The following CYP24A1 variants were observed in gnomAD, a reference collection of about 807,000 sequenced individuals.
CYP24A1 encodes the protein 1,25-dihydroxyvitamin D(3) 24-hydroxylase, mitochondrial.
CYP24A1 carries 68 observed loss-of-function variants against 62.4 expected under a neutral mutation model. The ratio of observed to expected loss-of-function variants is 1.09; its 90% CI spans 0.90 to 1.33. The LOEUF (loss-of-function observed/expected upper bound fraction) is 1.33, where lower values mean the gene tolerates loss of function less well. Ranked by LOEUF, CYP24A1 falls within the 40% of genes most tolerant of loss-of-function variation. The probability of loss-of-function intolerance (pLI) is 0.00; values close to 1 mark genes in which losing one functional copy is unlikely to be tolerated. For synonymous variants in CYP24A1, 267 were observed against 253.0 expected, an observed-to-expected ratio of 1.06 and a Z score of -0.52; for missense variants, 787 against 653.0, an observed-to-expected ratio of 1.21 and a Z score of -2.24.
rs2092702170 is a variant in CYP24A1, at chr20:54,173,445, C to T, written c.135G>A (p.Pro45=). ...SPQPREVPVC[P]LTAGGETQNA... is the part of the protein sequence containing the mutation. ...TCTGAGTCTCGCCACCAGCTGTCAG[C>T]GGGCAGACTGGCACCTCTCGCGGCT... Residue 45 remains proline (P), a synonymous_variant, in exon 1 of 12, where the codon CCG becomes CCA. Coordinates refer to ENST00000216862, the MANE Select transcript of CYP24A1 (RefSeq NM_000782.5). This position sits in a 1 kb window ranked among gnomAD's most constrained non-coding sequence, Gnocchi z 7.2. The T allele has an allele frequency of 6.4e-7, 1 of 1,568,254 alleles. No homozygotes were observed. Among genetic ancestry groups the T allele is most frequent in the Non-Finnish European group, 8.6e-7 (1 of 1,156,226 alleles).
chr20:54,155,165 T>G (rs1475143930), intron 11 of CYP24A1, among the ~76,000 whole-genome samples: 1 of 152,136 alleles, frequency 6.6e-6, no homozygotes, highest in East Asian at 1.9e-4. Context: ...TCAGTTCTGT[T>G]GGTTGGGATG....
intron 4 of CYP24A1, among the ~76,000 whole-genome samples, chr20:54,169,064 A>G (rs2092684759): frequency 6.6e-6 from 1 of 150,978 alleles, no homozygotes; most frequent in Non-Finnish European, 1.5e-5. Flanking sequence ...ACCCTGACTA[A>G]TTTTTGTATT....
In CYP24A1 at chr20:54,153,730, A is replaced by G. The variant is rs1446891747; in HGVS notation, c.*1042T>C. 2.0e-5 allele frequency: 3 copies of G among 152,670 alleles called. No homozygotes were observed. The highest frequency in any genetic ancestry group is 4.4e-5 in the Non-Finnish European group (3 of 68,042). The allele number at this position is 152,670 out of a possible 1,614,324, so 9.5% of individuals were successfully genotyped here. On this transcript the variant is annotated 3_prime_UTR_variant, in exon 12 of 12. Coordinates refer to ENST00000216862, the MANE Select transcript of CYP24A1 (RefSeq NM_000782.5). ...AATATGCACAAATAAACCATCTGTA[A>G]ACACAATTTTTAAGTCTTATAAGTA...
In CYP24A1 at chr20:54,171,647, A is replaced by G. The variant is rs139655790; in HGVS notation, c.473T>C (p.Val158Ala). Residue 158 changes from valine (V) to alanine (A), a missense_variant, in exon 3 of 12, where the codon GTC (valine) becomes GCC (alanine). Transcript: ENST00000216862. ...TAGTTTCTTTTGAAAGGCACTCCGG[A>G]CCCGCTGCCAGTCTTCCCCTTCCCT... ...LILEGEDWQR[V>A]RSAFQKKLMK... The G allele has an allele frequency of 7.8e-4, 1,257 of 1,613,764 alleles. 1 individual carries two copies. The highest frequency in any genetic ancestry group is 1.0e-3 in the Non-Finnish European group (1,190 of 1,179,868).
At position 54,162,859 on chromosome 20, in the gene CYP24A1, T is replaced by C. The variant is rs1228692721; in HGVS notation, c.848A>G (p.Lys283Arg). Residue 283 changes from lysine to arginine, a missense_variant, in exon 7 of 12, where the codon AAA (lysine) becomes AGA (arginine). Lys to Arg is a conservative substitution (Grantham distance 26). Coordinates refer to ENST00000216862, the MANE Select transcript of CYP24A1 (RefSeq NM_000782.5). Reference sequence around the variant, plus strand: ...CTCTAACCGGTTGTCGATACAAGCTTTGACTATTAGAGCAGAGAAGAAAGA... The same window carrying C: ...CTCTAACCGGTTGTCGATACAAGCTCTGACTATTAGAGCAGAGAAGAAAGA... ...LAWDTIFKSV[K>R]ACIDNRLEKY... The C allele has an allele frequency of 3.8e-6, 6 of 1,567,784 alleles. No homozygotes were observed. The highest frequency in any genetic ancestry group is 1.7e-5 in the Admixed American group (1 of 59,950).
chr20:54,160,124 C>T (rs1227441133), intron 7 of CYP24A1, among the ~76,000 whole-genome samples: 1 of 152,234 alleles, frequency 6.6e-6, no homozygotes, highest in Admixed American at 6.5e-5. Flanking sequence ...ACTACCTACA[C>T]TGAGGGTTAC....
downstream of CYP24A1, among the ~76,000 whole-genome samples, chr20:54,150,485 C>T (rs997230353): frequency 2.0e-5 from 3 of 152,148 alleles, no homozygotes; most frequent in African/African-American, 7.2e-5. Flanking sequence ...AAGCACCTGC[C>T]ACCATGCCCA....
chr20:54,170,513 G>A (rs113358303), intron 3 of CYP24A1, among the ~76,000 whole-genome samples: 2,298 of 152,248 alleles, frequency 0.015, 24 homozygotes, highest in Middle Eastern at 0.034. Context: ...TAGTTTGCAA[G>A]TTTAATTTGC....
At chr20:54,144,179 T>C in the CYP24A1 span, among the ~76,000 whole-genome samples, 16 of 151,956 alleles carry the variant, frequency 1.1e-4, no homozygotes, top group African/African-American at 3.9e-4. Flanking sequence ...TTTAATTCTT[T>C]GCTGCTACTA....
At chr20:54,158,186 T>C (rs375461653) in intron 8 of CYP24A1, 22 bp from the exon 9 acceptor site, 15 of 1,613,292 alleles carry the variant, frequency 9.3e-6, no homozygotes, top group East Asian at 2.2e-5. Flanking sequence ...AAATCAAAGA[T>C]GTAAAGGTGA....
chr20:54,173,544 G>A lies in CYP24A1; in HGVS notation c.36C>T (p.Ala12=), dbSNP rs1180121450. Residue 12 remains alanine, a synonymous_variant, in exon 1 of 12, where the codon GCC becomes GCT. Transcript: ENST00000216862. This position sits in a 1 kb window ranked among gnomAD's most constrained non-coding sequence, Gnocchi z 7.2. The part of the protein sequence containing the change: ...SSPISKSRSL[A]AFLQQLRSPR... The stretch of plus-strand genomic sequence containing the variant: ...GACTGCGCAGCTGCTGCAGGAAGGC[G>A]GCAAGCGAGCGGCTCTTGCTGATGG... 2.5e-6 allele frequency: 4 copies of A among 1,581,202 alleles called. No individual in the cohort carries two copies. Among genetic ancestry groups the A allele is most frequent in the Admixed American group, 1.8e-5 (1 of 57,142 alleles).
intron 7 of CYP24A1, among the ~76,000 whole-genome samples, chr20:54,159,363 C>A (rs924463172): frequency 7.3e-5 from 11 of 151,366 alleles, no homozygotes; most frequent in Middle Eastern, 3.4e-3. Context: ...AAAGTATAAT[C>A]CTTTAATCAG....
Position 54,173,138 on chromosome 20 carries a change from C to T in CYP24A1, c.259-39G>A. 6.3e-7 allele frequency: 1 copy of T among 1,593,586 alleles called. No individual in the cohort carries two copies. Among genetic ancestry groups the T allele is most frequent in the South Asian group, 1.1e-5 (1 of 90,828 alleles). On this transcript the variant is annotated intron_variant, in intron 1 of 11. Coordinates refer to ENST00000216862, the MANE Select transcript of CYP24A1 (RefSeq NM_000782.5). The surrounding 1 kb of genome is among the most constrained non-coding windows in gnomAD (Gnocchi z 7.2). ...GGCACAGCGCGGTGTCAGCGCGCAT[C>T]CTCCGCCGTGCCCGAAGCGCTTTCC...
rs1320264861 is a variant in CYP24A1 at position 54,173,528 on chromosome 20, G to T, written c.52C>A (p.Leu18Met). The T allele has an allele frequency of 1.9e-6, 3 of 1,576,336 alleles. No homozygotes were observed. The highest frequency in any genetic ancestry group is 2.3e-5 in the East Asian group (1 of 43,342). ...SRSLAAFLQQ[L>M]RSPRQPPRLV... Reference sequence around the variant, plus strand: ...CTCGGGGGCTGCCTCGGACTGCGCAGCTGCTGCAGGAAGGCGGCAAGCGAG... The same window carrying T: ...CTCGGGGGCTGCCTCGGACTGCGCATCTGCTGCAGGAAGGCGGCAAGCGAG... The change falls in exon 1 of 12, where the codon CTG becomes ATG. Residue 18 changes from leucine to methionine, a missense_variant. Transcript: ENST00000216862. The surrounding 1 kb of genome is among the most constrained non-coding windows in gnomAD (Gnocchi z 7.2).
In CYP24A1 at chr20:54,173,172, G is replaced by T; in HGVS notation, c.259-73C>A. 1.9e-6 allele frequency: 3 copies of T among 1,558,174 alleles called. No homozygotes were observed. Among genetic ancestry groups the T allele is most frequent in the Non-Finnish European group, 1.8e-6 (2 of 1,140,744 alleles). On this transcript the variant is annotated intron_variant, in intron 1 of 11. Coordinates refer to ENST00000216862, the MANE Select transcript of CYP24A1 (RefSeq NM_000782.5). This position sits in a 1 kb window ranked among gnomAD's most constrained non-coding sequence, Gnocchi z 7.2. Reference sequence around the variant, plus strand: ...TGCCCGAAGCGCTTTCCCTCCTCCCGCCTCCTTCCTCCTAGGGGACCGGGG... The same window carrying T: ...TGCCCGAAGCGCTTTCCCTCCTCCCTCCTCCTTCCTCCTAGGGGACCGGGG...
At chr20:54,165,703 A>T in intron 5 of CYP24A1, 39 bp downstream of exon 5, 1 of 982,544 alleles carries the variant, frequency 1.0e-6, no homozygotes, top group Non-Finnish European at 1.7e-6. Flanking sequence ...TCTGTAAAAC[A>T]TCAATCAAGA....
chr20:54,158,824 A>C, intron 8 of CYP24A1, 133 bp downstream of exon 8: 1 of 1,494,976 alleles, frequency 6.7e-7, no homozygotes, highest in Non-Finnish European at 9.1e-7. Context: ...TATGGCTCCA[A>C]AGATTTTTTT....
At chr20:54,169,973 A>AT (rs10627679) in intron 3 of CYP24A1, among the ~76,000 whole-genome samples, 3,706 of 150,960 alleles carry the variant, frequency 0.025, 51 homozygotes, top group African/African-American at 0.041. Flanking sequence ...AAAGGAAAAC[A>AT]TTTTTTTTTT....
At position 54,159,133 on chromosome 20, in the gene CYP24A1, A is replaced by G; in HGVS notation, c.991-10T>C. 6.2e-7 allele frequency: 1 copy of G among 1,609,850 alleles called. No individual in the cohort carries two copies. The highest frequency in any genetic ancestry group is 8.5e-7 in the Non-Finnish European group (1 of 1,176,112). ...TTAGACTGTTTGCTGTCTGCAAGCC[A>G]AATGGACATAAACTTGAGTTTTTGT... On this transcript the variant is annotated splice_polypyrimidine_tract_variant and intron_variant, in intron 7 of 11. Coordinates refer to ENST00000216862, the MANE Select transcript of CYP24A1 (RefSeq NM_000782.5).
Sources: gnomAD v4.1 joint callset for allele counts (sites outside exome capture counted in the v4.1 genomes callset) on GRCh38, gnomAD v4.1.1 for gene constraint, Gnocchi (gnomAD v3.1) non-coding constraint, MANE v1.5 for transcripts, NCBI Gene and HGNC (gene_info 2026-07-23, HGNC 2026-07-21) for gene names.